RPAP1: variants seen among roughly 807,000 people sequenced by gnomAD.
RPAP1 encodes RNA polymerase II-associated protein 1.
In RPAP1, 109 loss-of-function variants were observed where a neutral mutation model predicts 142.4. The observed-to-expected ratio is 0.77, with a 90% CI of 0.66 to 0.90. RPAP1 has a LOEUF of 0.90. RPAP1 is among the 40% of genes least tolerant of loss of function. RPAP1 has a pLI of 0.00. For missense variants in RPAP1, 1,546 were observed against 1,751.7 expected (o/e 0.88, Z 2.10); for synonymous variants, 704 against 738.9 (o/e 0.95, Z 0.77).
At chr15:41,529,316 G>GT (rs1167248598) in intron 9 of RPAP1, among the ~76,000 whole-genome samples, 154 bp downstream of exon 9, 1 of 152,168 alleles carries the variant, frequency 6.6e-6, no homozygotes, top group Non-Finnish European at 1.5e-5. Context: ...GCCTGGGCCA[G>GT]AGCGAGATTC....
chr15:41,531,612 T>C (rs975448493), intron 6 of RPAP1, among the ~76,000 whole-genome samples: 6 of 24,206 alleles, frequency 2.5e-4, no homozygotes, highest in African/African-American at 1.1e-3. Context: ...TATATATATA[T>C]ATATATATAT....
intron 4 of RPAP1, 119 bp from the exon 5 acceptor site, chr15:41,535,751 G>A: frequency 7.3e-7 from 1 of 1,377,966 alleles, no homozygotes; most frequent in African/African-American, 1.5e-5. Context: ...AATTTCCAGG[G>A]ATCACAACCC....
At chr15:41,532,793 C>T (rs1421679750) in intron 6 of RPAP1, among the ~76,000 whole-genome samples, 1 of 151,766 alleles carries the variant, frequency 6.6e-6, no homozygotes, top group African/African-American at 2.4e-5. Context: ...GCCTGGCCAA[C>T]ATGGTGAAAC....
intron 22 of RPAP1, among the ~76,000 whole-genome samples, chr15:41,519,313 T>A (rs1207125634): frequency 1.3e-5 from 2 of 152,178 alleles, no homozygotes; most frequent in South Asian, 2.1e-4. Flanking sequence ...GTTCAAGCGA[T>A]TCTCCTGCCT....
intron 11 of RPAP1, 113 bp from the exon 12 acceptor site, chr15:41,527,718 G>T: frequency 6.9e-7 from 1 of 1,453,422 alleles, no homozygotes; most frequent in South Asian, 1.4e-5. Flanking sequence ...CTGGGCTTTA[G>T]GGACTTTAGG....
chr15:41,538,652 G>T (rs2140789940), intron 1 of RPAP1, among the ~76,000 whole-genome samples: 1 of 152,196 alleles, frequency 6.6e-6, no homozygotes, highest in East Asian at 1.9e-4. Context: ...TTGTTATAAT[G>T]TTAGATTTAC....
chr15:41,523,177 C>G, intron 18 of RPAP1, 68 bp downstream of exon 18: 1 of 1,202,220 alleles, frequency 8.3e-7, no homozygotes, highest in Non-Finnish European at 1.2e-6. Context: ...GAGCTGGACC[C>G]AGGAATCCCA....
At chr15:41,523,015 G>T in intron 18 of RPAP1, 55 bp from the exon 19 acceptor site, 1 of 1,423,210 alleles carries the variant, frequency 7.0e-7, no homozygotes, top group Non-Finnish European at 9.3e-7. Flanking sequence ...GTGCCAAGCT[G>T]GAAAGAGCTT....
At position 41,544,224 on chromosome 15, in the gene RPAP1, C is replaced by T. The variant is rs1234892113; in HGVS notation, c.-82G>A. 6.6e-6 allele frequency: 1 copy of T among 152,314 alleles called. No homozygotes were observed. The highest frequency in any genetic ancestry group is 2.4e-5 in the African/African-American group (1 of 41,412). 9.4% of individuals were successfully genotyped at this position (152,314 alleles called of 1,614,324 possible). A position where few individuals can be genotyped will look rare whatever the true frequency, so the allele number is the denominator to read the frequency against. The stretch of plus-strand genomic sequence containing the variant: ...CCTCCAGCCCCGCCACCTACGTGCT[C>T]CAGGCCTGTCTGGGCGCCGCCATCT... On this transcript the variant is annotated 5_prime_UTR_variant, in exon 1 of 25. An upstream open reading frame in the 5' UTR gains an earlier in-frame stop. Coordinates refer to ENST00000304330, the MANE Select transcript of RPAP1 (RefSeq NM_015540.4).
chr15:41,535,717 A>T (rs1320352830), intron 4 of RPAP1, 85 bp from the exon 5 acceptor site: 1 of 1,525,832 alleles, frequency 6.6e-7, no homozygotes, highest in African/African-American at 1.4e-5. Flanking sequence ...CCTCTGGAAC[A>T]AAGAGATAAA....
Position 41,517,176 on chromosome 15 carries a change from T to C in RPAP1, c.*366A>G, listed in dbSNP as rs932476298. ...ATGGCTGAAATCAGTCCAGATCAAA[T>C]TTCCAGGAGATAAAAAACATTTATT... On this transcript the variant is annotated 3_prime_UTR_variant, in exon 25 of 25. Transcript: ENST00000304330. The C allele has an allele frequency of 7.4e-5, 12 of 162,954 alleles. No homozygotes were observed. Among genetic ancestry groups the C allele is most frequent in the Non-Finnish European group, 1.2e-4 (9 of 74,904 alleles). The allele number at this position is 162,954 out of a possible 1,614,324, so 10.1% of individuals were successfully genotyped here. A position where few individuals can be genotyped will look rare whatever the true frequency, so the allele number is the denominator to read the frequency against.
chr15:41,534,421 CAAA>C (rs547606514), intron 6 of RPAP1, among the ~76,000 whole-genome samples: 1 of 122,480 alleles, frequency 8.2e-6, no homozygotes, highest in African/African-American at 3.1e-5. Context: ...TCTGTCCCCC[CAAA>C]AAAAAAAAAA....
Position 41,528,225 on chromosome 15 carries a change from A to G in RPAP1, c.1260+10T>C, listed in dbSNP as rs1278704346. The stretch of plus-strand genomic sequence containing the variant: ...AAGGGTGGGCAGGACCAGGCTGGCA[A>G]TCCACTCACCCTGCTGATGACCTGG... On this transcript the variant is annotated intron_variant, in intron 10 of 24. Transcript: ENST00000304330. 4.4e-6 allele frequency: 7 copies of G among 1,597,818 alleles called. No homozygotes were observed. In the Admixed American group the frequency reaches 1.0e-4, roughly 24 times the overall value.
intron 19 of RPAP1, 135 bp downstream of exon 19, chr15:41,522,630 T>A (rs2051740111): frequency 1.4e-6 from 1 of 736,064 alleles, no homozygotes; most frequent in Non-Finnish European, 2.1e-6. Context: ...CCTCAGGTGA[T>A]CTGCCCACCT....
chr15:41,536,241 T>C (rs1369542430), intron 3 of RPAP1, 23 bp from the exon 4 acceptor site: 1 of 1,608,276 alleles, frequency 6.2e-7, no homozygotes, highest in African/African-American at 1.3e-5. Flanking sequence ...AGCACAAAGT[T>C]GTGAAGCACA....
intron 4 of RPAP1, among the ~76,000 whole-genome samples, 163 bp downstream of exon 4, chr15:41,535,966 T>C (rs1177602435): frequency 6.6e-6 from 1 of 152,154 alleles, no homozygotes; most frequent in South Asian, 2.1e-4. Flanking sequence ...CCTTATATGT[T>C]TGTTATGAAG....
rs747176172 is a variant in RPAP1, at chr15:41,522,187, C to G, written c.2806G>C (p.Ala936Pro). ...NYFLQCVAPGAAPHLTPFSAW... is the reference protein window; with the variant it reads ...NYFLQCVAPGPAPHLTPFSAW... ...GAGAAAGGTGTGAGGTGTGGGGCAG[C>G]CCCAGGAGCCACACACTGGAGGAAG... is the stretch of plus-strand genomic sequence containing the variant. Residue 936 changes from alanine to proline, a missense_variant, in exon 20 of 25, where the codon GCT (alanine) becomes CCT (proline). Coordinates refer to ENST00000304330, the MANE Select transcript of RPAP1 (RefSeq NM_015540.4). The G allele has an allele frequency of 3.1e-6, 5 of 1,613,902 alleles. No homozygotes were observed. The highest frequency in any genetic ancestry group is 4.2e-6 in the Non-Finnish European group (5 of 1,180,020).
At position 41,527,914 on chromosome 15, in the gene RPAP1, G is replaced by A. The variant is rs767719302; in HGVS notation, c.1374C>T (p.Val458=). The change falls in exon 11 of 25, where the codon GTC becomes GTT. Residue 458 remains valine, a synonymous_variant. Coordinates refer to ENST00000304330, the MANE Select transcript of RPAP1 (RefSeq NM_015540.4). ...RFSLDDRVDG[V]IATAIRALRA... The stretch of plus-strand genomic sequence containing the variant: ...GAAGAGCACGGATGGCGGTTGCAAT[G>A]ACCCCATCCACTCTGTCATCCAAGG... 6.8e-6 allele frequency: 11 copies of A among 1,613,942 alleles called. No individual in the cohort carries two copies. In the East Asian group the frequency reaches 2.5e-4, roughly 36 times the overall value.
chr15:41,517,251 G>A lies in RPAP1; in HGVS notation c.*291C>T, dbSNP rs1490667415. The A allele has an allele frequency of 4.6e-5, 13 of 280,546 alleles. No individual in the cohort carries two copies. The highest frequency in any genetic ancestry group is 4.0e-5 in the Non-Finnish European group (6 of 150,384). The allele number at this position is 280,546 out of a possible 1,614,324, so 17.4% of individuals were successfully genotyped here. On this transcript the variant is annotated 3_prime_UTR_variant, in exon 25 of 25. Transcript: ENST00000304330. ...ATGCCTCAGCCCAGGGCAGGGGTTG[G>A]GAGTTAGGTAAGAAGGGATGCATTT... is the stretch of plus-strand genomic sequence containing the variant.
Sources: gnomAD v4.1 joint callset for allele counts (sites outside exome capture counted in the v4.1 genomes callset) on GRCh38, gnomAD v4.1.1 for gene constraint, MANE v1.5 for transcripts, NCBI Gene and HGNC (gene_info 2026-07-23, HGNC 2026-07-21) for gene names.